The following PCDH9 variants were observed in gnomAD, a reference collection of about 807,000 sequenced individuals.
The protein encoded by PCDH9 is protocadherin 9, also known as protocadherin-9.
A neutral mutation model predicts 70.6 loss-of-function variants in PCDH9; 24 were observed. The ratio of observed to expected loss-of-function variants is 0.34; its 90% CI spans 0.25 to 0.48. The LOEUF (loss-of-function observed/expected upper bound fraction) is 0.48, where lower values mean the gene tolerates loss of function less well. Ranked by LOEUF, PCDH9 falls within the 20% of genes least tolerant of loss-of-function variation. The pLI, the probability that PCDH9 is intolerant of heterozygous loss-of-function variation, is 0.99. For synonymous variants in PCDH9, 562 were observed against 558.5 expected (o/e 1.01, Z -0.09); for missense variants, 1,281 against 1,503.6 (o/e 0.85, Z 2.45).
chr13:66,682,352 TTATCTATCTATCTATCTATC>T (rs67403062), intron 3 of PCDH9, among the ~76,000 whole-genome samples: 43,319 of 150,202 alleles, frequency 0.29, 7,152 homozygotes, highest in East Asian at 0.52. Context: ...GCTGTATTTA[TTATCTATCTATCTATCTATC>T]TATCTATCTA....
chr13:66,357,438 G>A (rs886423960), intron 4 of PCDH9, among the ~76,000 whole-genome samples: 1 of 152,032 alleles, frequency 6.6e-6, no homozygotes, highest in Non-Finnish European at 1.5e-5. Context: ...AAAGTAGGGA[G>A]TGCATTGCCT....
Position 67,227,578 on chromosome 13 carries a change from CG to C in PCDH9, c.862del (p.Arg288GlyfsTer18). On this transcript the variant is annotated frameshift_variant, in exon 2 of 5. Transcript: ENST00000377865. LOFTEE classifies it high-confidence loss of function. This position sits in a 1 kb window ranked among gnomAD's most constrained non-coding sequence, Gnocchi z 4.6. The part of the protein sequence containing the change: ...DADIGSNAEI[R>X]YIFGAQVAPA... ...GGCGACCTGGGCACCAAAAATGTAC[CG>C]GATTTCAGCATTACTGCCTATATCT... The C allele has an allele frequency of 6.2e-7, 1 of 1,614,012 alleles. No individual in the cohort carries two copies. The highest frequency in any genetic ancestry group is 8.5e-7 in the Non-Finnish European group (1 of 1,179,974).
chr13:66,903,764 A>T (rs1246778690), intron 2 of PCDH9, among the ~76,000 whole-genome samples, 159 bp from the exon 3 acceptor site: 1 of 152,018 alleles, frequency 6.6e-6, no homozygotes, highest in Admixed American at 6.6e-5. Context: ...TCTTTACCAT[A>T]AAGATTTTTT....
intron 2 of PCDH9, among the ~76,000 whole-genome samples, chr13:66,964,222 G>T (rs958133548): frequency 2.6e-5 from 4 of 151,860 alleles, no homozygotes; most frequent in Non-Finnish European, 5.9e-5. Flanking sequence ...ACATAATGCT[G>T]TCTAATGCAT....
intron 2 of PCDH9, among the ~76,000 whole-genome samples, chr13:67,109,143 G>A (rs1377864744): frequency 6.6e-6 from 1 of 152,110 alleles, no homozygotes; most frequent in African/African-American, 2.4e-5. Context: ...TTTTAAAGAG[G>A]TAATGGAGAG....
intron 3 of PCDH9, among the ~76,000 whole-genome samples, chr13:66,823,082 C>T (rs1406750042): frequency 5.3e-5 from 8 of 151,832 alleles, no homozygotes; most frequent in African/African-American, 1.9e-4. Flanking sequence ...TGAAAACTTT[C>T]AATTTATGCA....
intron 4 of PCDH9, among the ~76,000 whole-genome samples, chr13:66,531,126 A>G (rs1169148046): frequency 6.6e-6 from 1 of 151,448 alleles, no homozygotes. Context: ...TTTGTTTTAA[A>G]TATTTTTTGT....
intron 2 of PCDH9, among the ~76,000 whole-genome samples, chr13:67,059,397 T>C (rs1487276286): frequency 6.8e-6 from 1 of 147,036 alleles, no homozygotes; most frequent in African/African-American, 2.5e-5. Context: ...ATATAGTATA[T>C]ATAGTGTATA....
intron 3 of PCDH9, among the ~76,000 whole-genome samples, chr13:66,787,274 A>C (rs190369250): frequency 6.6e-6 from 1 of 152,302 alleles, no homozygotes; most frequent in African/African-American, 2.4e-5. Flanking sequence ...CTGTATTGTT[A>C]GTATTTTTCC....
At chr13:67,012,010 T>C (rs1235176078) in intron 2 of PCDH9, among the ~76,000 whole-genome samples, 1 of 151,918 alleles carries the variant, frequency 6.6e-6, no homozygotes, top group East Asian at 1.9e-4. Flanking sequence ...GTTAAATACA[T>C]GACCTCGCCT....
intron 2 of PCDH9, among the ~76,000 whole-genome samples, chr13:67,084,585 C>A (rs1048701175): frequency 6.6e-6 from 1 of 152,006 alleles, no homozygotes; most frequent in Non-Finnish European, 1.5e-5. Flanking sequence ...TGGTGACCTG[C>A]AAATAAAGTC....
intron 4 of PCDH9, among the ~76,000 whole-genome samples, chr13:66,357,914 A>C (rs796116211): frequency 2.0e-5 from 3 of 146,858 alleles, no homozygotes; most frequent in African/African-American, 7.5e-5. Flanking sequence ...TTTTCTCAAT[A>C]TCCTTCAATA....
chr13:67,164,877 T>C (rs2088067141), intron 2 of PCDH9, among the ~76,000 whole-genome samples: 1 of 152,204 alleles, frequency 6.6e-6, no homozygotes, highest in Admixed American at 6.5e-5. Flanking sequence ...AATCACTTGC[T>C]ATGTCATTAT....
intron 2 of PCDH9, among the ~76,000 whole-genome samples, chr13:67,153,346 T>C (rs959233935): frequency 6.6e-6 from 1 of 152,070 alleles, no homozygotes; most frequent in Non-Finnish European, 1.5e-5. Flanking sequence ...TTGTTATTTT[T>C]TTTTGCAGAT....
At chr13:67,199,517 A>G (rs1298947953) in intron 2 of PCDH9, among the ~76,000 whole-genome samples, 1 of 151,998 alleles carries the variant, frequency 6.6e-6, no homozygotes, top group Admixed American at 6.6e-5. Context: ...TGGATAATGT[A>G]TCAATGTGTT....
intron 4 of PCDH9, among the ~76,000 whole-genome samples, chr13:66,600,989 T>C (rs1372531664): frequency 3.4e-5 from 5 of 145,240 alleles, no homozygotes; most frequent in East Asian, 1.9e-4. Flanking sequence ...TTCATTTCCA[T>C]TGGTTTTCAT....
At chr13:66,476,074 C>T (rs1958722046) in intron 4 of PCDH9, among the ~76,000 whole-genome samples, 1 of 152,054 alleles carries the variant, frequency 6.6e-6, no homozygotes, top group African/African-American at 2.4e-5. Context: ...GAACTGGGTA[C>T]TCTCTCTATC....
At chr13:66,555,291 T>C (rs1444160645) in intron 4 of PCDH9, among the ~76,000 whole-genome samples, 26 of 152,140 alleles carry the variant, frequency 1.7e-4, no homozygotes, top group Admixed American at 1.7e-3. Flanking sequence ...TTCAAGTGTT[T>C]TTTGTGTCTT....
intron 2 of PCDH9, among the ~76,000 whole-genome samples, chr13:67,164,513 G>T (rs779321907): frequency 2.6e-5 from 4 of 151,120 alleles, no homozygotes; most frequent in South Asian, 4.2e-4. Flanking sequence ...GGCAGAGGTC[G>T]CAGTGAGCTG....
Sources: gnomAD v4.1 joint callset for allele counts (sites outside exome capture counted in the v4.1 genomes callset) on GRCh38, gnomAD v4.1.1 for gene constraint, Gnocchi (gnomAD v3.1) non-coding constraint, MANE v1.5 for transcripts, NCBI Gene and HGNC (gene_info 2026-07-23, HGNC 2026-07-21) for gene names.